LINGO2: variants seen among roughly 807,000 people sequenced by gnomAD.
LINGO2 encodes leucine-rich repeat and immunoglobulin-like domain-containing nogo receptor-interacting protein 2.
Under a neutral mutation model 30.6 loss-of-function variants are expected in LINGO2, and 14 were observed. The observed-to-expected ratio is 0.46, with a 90% confidence interval of 0.30 to 0.72. The LOEUF (loss-of-function observed/expected upper bound fraction) is 0.72. LINGO2 is among the 30% of genes least tolerant of loss of function. The probability of loss-of-function intolerance (pLI) is 0.07; values close to 1 mark genes in which losing one functional copy is unlikely to be tolerated. For missense variants in LINGO2, 729 were observed against 751.7 expected (o/e 0.97, Z 0.35); for synonymous variants, 317 against 288.5 (o/e 1.10, Z -1.00).
the LINGO2 span, among the ~76,000 whole-genome samples, chr9:28,676,543 A>G: frequency 2.6e-5 from 4 of 152,174 alleles, no homozygotes; most frequent in African/African-American, 9.7e-5. Flanking sequence ...GTTCTTCAAT[A>G]AATAAATCCA....
chr9:28,721,622 A>C, the LINGO2 span, among the ~76,000 whole-genome samples: 1 of 152,094 alleles, frequency 6.6e-6, no homozygotes, highest in Non-Finnish European at 1.5e-5. Flanking sequence ...GAACACATGG[A>C]AACAGGGAGG....
chr9:28,884,313 AT>A, the LINGO2 span, among the ~76,000 whole-genome samples: 120 of 152,236 alleles, frequency 7.9e-4, no homozygotes, highest in Non-Finnish European at 1.5e-3. Context: ...ACCCTTGATA[AT>A]TGTATTTGAT....
At position 28,561,607 on chromosome 9, in the gene LINGO2, T is replaced by C. The variant is rs1402883632; in HGVS notation, c.-364-85582A>G. 7.7e-5 allele frequency among the ~76,000 whole-genome samples: 10 copies of C among 129,054 alleles called. No individual in the cohort carries two copies. In the East Asian group the frequency reaches 2.0e-3, roughly 26 times the overall value. The allele number at this position is 129,054 out of a possible 152,430, so 84.7% of individuals were successfully genotyped here. A position where few individuals can be genotyped will look rare whatever the true frequency, so the allele number is the denominator to read the frequency against. ...GTTTATATATTATATATAAATGTATTATATATGTATAATATATATAAATTA... is the reference window on the plus strand; with the variant it reads ...GTTTATATATTATATATAAATGTATCATATATGTATAATATATATAAATTA... On this transcript the variant is annotated intron_variant, in intron 1 of 5. Transcript: ENST00000379992.
intron 3 of LINGO2, among the ~76,000 whole-genome samples, chr9:28,337,957 T>C (rs1254518362): frequency 6.6e-6 from 1 of 152,156 alleles, no homozygotes; most frequent in East Asian, 1.9e-4. Flanking sequence ...ACTGGGGTAC[T>C]GCCTGGTGGA....
intron 1 of LINGO2, among the ~76,000 whole-genome samples, chr9:28,558,627 C>G (rs1822877764): frequency 6.6e-6 from 1 of 152,062 alleles, no homozygotes; most frequent in South Asian, 2.1e-4. Flanking sequence ...AATTTCATCT[C>G]TTTTGGCAAA....
At chr9:27,989,051 T>A (rs138708043) in intron 5 of LINGO2, among the ~76,000 whole-genome samples, 2 of 151,940 alleles carry the variant, frequency 1.3e-5, no homozygotes, top group Admixed American at 1.3e-4. Context: ...CTATTTCCCA[T>A]AAAGCCATCA....
the LINGO2 span, chr9:27,939,944 A>G: frequency 1.3e-5 from 2 of 152,206 alleles, no homozygotes; most frequent in Non-Finnish European, 2.9e-5. Context: ...AACTTTCACA[A>G]TCACATAAAA....
chr9:28,930,837 T>C, the LINGO2 span, among the ~76,000 whole-genome samples: 1 of 152,234 alleles, frequency 6.6e-6, no homozygotes. This position sits in a 1 kb window ranked among gnomAD's most constrained non-coding sequence, Gnocchi z 4.2. Context: ...ACCAGGCTAA[T>C]GTACGGCACA....
chr9:28,585,794 T>C (rs1027123389), intron 1 of LINGO2, among the ~76,000 whole-genome samples: 1 of 152,162 alleles, frequency 6.6e-6, no homozygotes, highest in Middle Eastern at 3.4e-3. Flanking sequence ...ATGGGATCTG[T>C]TCTTATTTTT....
chr9:28,932,902 A>ATATTAT, the LINGO2 span, among the ~76,000 whole-genome samples: 48 of 149,884 alleles, frequency 3.2e-4, no homozygotes, highest in South Asian at 1.1e-3. Context: ...TCTTTTTATT[A>ATATTAT]TATTATTATT....
chr9:28,650,737 T>G (rs1001019406), intron 1 of LINGO2, among the ~76,000 whole-genome samples: 20 of 152,152 alleles, frequency 1.3e-4, no homozygotes, highest in Non-Finnish European at 1.5e-4. Flanking sequence ...ACAAACAAAC[T>G]AGTGCATATA....
chr9:27,960,608 G>T lies in LINGO2; in HGVS notation c.-35-9902C>A, dbSNP rs564376130. 5.3e-4 allele frequency among the ~76,000 whole-genome samples: 76 copies of T among 143,182 alleles called. 3 individuals are homozygous for T. In the East Asian group the frequency reaches 0.014, roughly 26 times the overall value. The allele number at this position is 143,182 out of a possible 152,430, so 93.9% of individuals were successfully genotyped here. Reference sequence around the variant, plus strand: ...CTCTAGCTTTCTTAAAGTTTTTGTGGTATATCTTTTTTTTTTTTTTTTTTT... The same window carrying T: ...CTCTAGCTTTCTTAAAGTTTTTGTGTTATATCTTTTTTTTTTTTTTTTTTT... On this transcript the variant is annotated intron_variant, in intron 5 of 5. Transcript: ENST00000379992.
At chr9:27,985,723 C>T (rs1041574071) in intron 5 of LINGO2, among the ~76,000 whole-genome samples, 7 of 149,648 alleles carry the variant, frequency 4.7e-5, no homozygotes, top group African/African-American at 1.5e-4. Flanking sequence ...AAAAGGTAGC[C>T]TAAACAAGCA....
At chr9:28,282,268 A>G (rs1485730221) in intron 4 of LINGO2, among the ~76,000 whole-genome samples, 2 of 152,166 alleles carry the variant, frequency 1.3e-5, no homozygotes, top group Non-Finnish European at 2.9e-5. Flanking sequence ...TGTCCCAATG[A>G]TAAGTGTGAG....
the LINGO2 span, among the ~76,000 whole-genome samples, chr9:29,136,349 A>G: frequency 6.6e-6 from 1 of 152,136 alleles, no homozygotes; most frequent in African/African-American, 2.4e-5. Context: ...TACCCTCTCT[A>G]TCTTCTTAAC....
intron 3 of LINGO2, among the ~76,000 whole-genome samples, chr9:28,313,667 T>C (rs1339855559): frequency 3.9e-5 from 6 of 152,180 alleles, no homozygotes; most frequent in African/African-American, 1.4e-4. Context: ...TATCAAATTC[T>C]ATTTTGAAGA....
chr9:28,713,934 G>A, the LINGO2 span, among the ~76,000 whole-genome samples: 1 of 151,874 alleles, frequency 6.6e-6, no homozygotes, highest in Admixed American at 6.6e-5. Context: ...GAGGCAGGTG[G>A]ATCACCTGAG....
chr9:28,507,175 G>C (rs1356816278), intron 1 of LINGO2, among the ~76,000 whole-genome samples: 2 of 151,476 alleles, frequency 1.3e-5, no homozygotes, highest in African/African-American at 4.9e-5. Flanking sequence ...GGATAGCTCA[G>C]CAAAAATCAG....
the LINGO2 span, among the ~76,000 whole-genome samples, chr9:28,972,418 G>C: frequency 2.0e-5 from 3 of 152,008 alleles, no homozygotes; most frequent in Admixed American, 2.0e-4. Context: ...ACACAGAGAA[G>C]GAATTCAGAA....
Sources: allele counts gnomAD v4.1 joint callset (sites outside exome capture counted in the v4.1 genomes callset), GRCh38; gene constraint gnomAD v4.1.1; non-coding constraint Gnocchi (gnomAD v3.1); transcripts MANE v1.5; gene names NCBI Gene and HGNC (gene_info 2026-07-23, HGNC 2026-07-21).